Variants in SEMA3B observed in about 807,000 individuals in gnomAD.
SEMA3B encodes semaphorin-3B.
In SEMA3B, 71 loss-of-function variants were observed where a neutral mutation model predicts 77.8. The ratio of observed to expected loss-of-function variants is 0.91; its 90% CI spans 0.75 to 1.11. The LOEUF is 1.11. Among genes scored for constraint, SEMA3B ranks in the 50% most tolerant of loss-of-function variants. The pLI is 0.00. For missense variants in SEMA3B, 968 were observed against 1,056.8 expected, an observed-to-expected ratio of 0.92 and a Z score of 1.17; for synonymous variants, 470 against 452.9, an observed-to-expected ratio of 1.04 and a Z score of -0.48.
Position 50,269,222 on chromosome 3 carries a change from A to G in SEMA3B, c.-19A>G. ...CCACACACACACCCGCTGAACCCTG[A>G]GCACCCTGAGCTGCTGAGATGGGGC... On this transcript the variant is annotated 5_prime_UTR_variant, in exon 1 of 17. Coordinates refer to ENST00000616701, the MANE Select transcript of SEMA3B (RefSeq NM_001290060.2). The surrounding 1 kb of genome is among the most constrained non-coding windows in gnomAD (Gnocchi z 4.0). 6.6e-7 allele frequency: 1 copy of G among 1,521,566 alleles called. No homozygotes were observed. The highest frequency in any genetic ancestry group is 8.8e-7 in the Non-Finnish European group (1 of 1,133,500). 94.3% of individuals were successfully genotyped at this position (1,521,566 alleles called of 1,614,324 possible).
the SEMA3B span, chr3:50,260,765 TG>T: frequency 2.0e-5 from 3 of 152,430 alleles, no homozygotes; most frequent in Non-Finnish European, 2.9e-5. Flanking sequence ...CCTCCCTCCC[TG>T]GGTGGGCCAT....
rs1553705135 is a variant in SEMA3B, at chr3:50,270,308, C to T, written c.267+24C>T. ...AGGTGCCAGGGACTCCCAACCCCAG[C>T]ACTCCCCAGGGAAGGAGCCCTGGGA... On this transcript the variant is annotated intron_variant, in intron 2 of 16. Coordinates refer to ENST00000616701, the MANE Select transcript of SEMA3B (RefSeq NM_001290060.2). The surrounding 1 kb of genome is among the most constrained non-coding windows in gnomAD (Gnocchi z 4.7). The T allele has an allele frequency of 3.2e-5, 51 of 1,612,068 alleles. No individual in the cohort carries two copies. The highest frequency in any genetic ancestry group is 4.2e-5 in the Non-Finnish European group (49 of 1,178,794).
chr3:50,266,178 CT>C (rs1553704481), upstream of SEMA3B, among the ~76,000 whole-genome samples: 2 of 152,164 alleles, frequency 1.3e-5, no homozygotes, highest in Non-Finnish European at 2.9e-5. Flanking sequence ...CTCTGAGGCA[CT>C]TGCTGATCCT....
upstream of SEMA3B, among the ~76,000 whole-genome samples, chr3:50,265,620 A>T (rs1260275085): frequency 2.0e-5 from 3 of 152,224 alleles, no homozygotes; most frequent in Non-Finnish European, 4.4e-5. Flanking sequence ...CAAAAGAGAG[A>T]GGTCCAGGGT....
At position 50,276,882 on chromosome 3, in the gene SEMA3B, A is replaced by G. The variant is rs1325949249; in HGVS notation, c.*176A>G. 2 of 733,822 alleles carry G rather than the reference A, an allele frequency of 2.7e-6. No homozygotes were observed. The highest frequency in any genetic ancestry group is 6.5e-5 in the East Asian group (2 of 30,550). 45.5% of individuals were successfully genotyped at this position (733,822 alleles called of 1,614,324 possible). ...CTGCGCGGGCTTATTTATTAACAGG[A>G]TAACCCTTGAATGTAGCAGCCCCGG... On this transcript the variant is annotated 3_prime_UTR_variant, in exon 17 of 17. Coordinates refer to ENST00000616701, the MANE Select transcript of SEMA3B (RefSeq NM_001290060.2). The surrounding 1 kb of genome is among the most constrained non-coding windows in gnomAD (Gnocchi z 5.8).
At position 50,271,171 on chromosome 3, in the gene SEMA3B, C is replaced by A; in HGVS notation, c.534C>A (p.Ser178=). ...SPYDPRHRAA[S]VLVGEELYSG... ...ATGACCCCAGGCATCGGGCTGCCTCCGTGCTGGTGGGTGAGTCCAAGGGCT... is the reference window on the plus strand; with the variant it reads ...ATGACCCCAGGCATCGGGCTGCCTCAGTGCTGGTGGGTGAGTCCAAGGGCT... The change falls in exon 5 of 17, where the codon TCC becomes TCA. Residue 178 remains serine (S), a synonymous_variant. Coordinates refer to ENST00000616701, the MANE Select transcript of SEMA3B (RefSeq NM_001290060.2). The A allele has an allele frequency of 6.4e-7, 1 of 1,573,116 alleles. No individual in the cohort carries two copies. Among genetic ancestry groups the A allele is most frequent in the Non-Finnish European group, 8.6e-7 (1 of 1,159,432 alleles).
upstream of SEMA3B, among the ~76,000 whole-genome samples, chr3:50,265,432 AGGCAGG>A (rs1374416899): frequency 1.7e-3 from 258 of 152,234 alleles, 1 homozygote; most frequent in African/African-American, 5.8e-3. Flanking sequence ...CCCGGAGTCC[AGGCAGG>A]GGCAAAGGGG....
In SEMA3B at chr3:50,275,736, G is replaced by A; in HGVS notation, c.1737G>A (p.Lys579=). The change falls in exon 16 of 17, where the codon AAG becomes AAA. Residue 579 remains lysine (K), a synonymous_variant. Coordinates refer to ENST00000616701, the MANE Select transcript of SEMA3B (RefSeq NM_001290060.2). The surrounding 1 kb of genome is among the most constrained non-coding windows in gnomAD (Gnocchi z 7.5). ...DSSRPALLEH[K]VFGVEGSSAF... ...CTCGTCCCGCGCTGCTGGAACACAA[G>A]GTGTTCGGCGTGGAGGGCAGCAGCG... The A allele has an allele frequency of 6.2e-7, 1 of 1,613,370 alleles. No homozygotes were observed. Among genetic ancestry groups the A allele is most frequent in the Non-Finnish European group, 8.5e-7 (1 of 1,179,788 alleles).
At position 50,270,682 on chromosome 3, in the gene SEMA3B, A is replaced by T; in HGVS notation, c.330+187A>T. 8.7e-7 allele frequency: 1 copy of T among 1,151,148 alleles called. No individual in the cohort carries two copies. Among genetic ancestry groups the T allele is most frequent in the Non-Finnish European group, 1.2e-6 (1 of 826,024 alleles). 71.3% of individuals were successfully genotyped at this position (1,151,148 alleles called of 1,614,324 possible). A position where few individuals can be genotyped will look rare whatever the true frequency, so the allele number is the denominator to read the frequency against. On this transcript the variant is annotated intron_variant, in intron 3 of 16. Coordinates refer to ENST00000616701, the MANE Select transcript of SEMA3B (RefSeq NM_001290060.2). This position sits in a 1 kb window ranked among gnomAD's most constrained non-coding sequence, Gnocchi z 4.7. ...AATTCTTCTGGGGTGCCTCTGAGTC[A>T]TGGGAGGCTTTGCAGGCCTGTGCTT... is the stretch of plus-strand genomic sequence containing the variant.
chr3:50,270,569 A>G lies in SEMA3B; in HGVS notation c.330+74A>G. On this transcript the variant is annotated intron_variant, in intron 3 of 16. Coordinates refer to ENST00000616701, the MANE Select transcript of SEMA3B (RefSeq NM_001290060.2). This position sits in a 1 kb window ranked among gnomAD's most constrained non-coding sequence, Gnocchi z 4.7. ...CCCAGAGACAGGGCAGGGCTAAAAC[A>G]GAGGCCTGCCTGTTCTGGCTGGGAT... 1.3e-6 allele frequency: 2 copies of G among 1,588,758 alleles called. No homozygotes were observed. The highest frequency in any genetic ancestry group is 1.7e-6 in the Non-Finnish European group (2 of 1,161,864).
At position 50,275,786 on chromosome 3, in the gene SEMA3B, C is replaced by G; in HGVS notation, c.1787C>G (p.Ser596Trp). The G allele has an allele frequency of 6.2e-7, 1 of 1,612,320 alleles. No homozygotes were observed. The highest frequency in any genetic ancestry group is 8.5e-7 in the Non-Finnish European group (1 of 1,179,782). ...SSAFLECEPR[S>W]LQARVEWTFQ... ...GCCTTTCTGGAGTGTGAGCCCCGCT[C>G]GCTGCAGGCGCGCGTGGAGTGGACT... Residue 596 changes from serine to tryptophan, a missense_variant, in exon 16 of 17, where the codon TCG (serine) becomes TGG (tryptophan). Ser to Trp is a radical substitution (Grantham distance 177). Transcript: ENST00000616701. The surrounding 1 kb of genome is among the most constrained non-coding windows in gnomAD (Gnocchi z 7.5).
At position 50,276,917 on chromosome 3, in the gene SEMA3B, ACAGGTCGGGCG is replaced by A. The variant is rs1256152659; in HGVS notation, c.*216_*226del. 1 of 552,782 alleles carries A rather than the reference ACAGGTCGGGCG, an allele frequency of 1.8e-6. No homozygotes were observed. The highest frequency in any genetic ancestry group is 4.1e-5 in the Admixed American group (1 of 24,218). The allele number at this position is 552,782 out of a possible 1,614,324, so 34.2% of individuals were successfully genotyped here. On this transcript the variant is annotated 3_prime_UTR_variant, in exon 17 of 17. Coordinates refer to ENST00000616701, the MANE Select transcript of SEMA3B (RefSeq NM_001290060.2). The surrounding 1 kb of genome is among the most constrained non-coding windows in gnomAD (Gnocchi z 5.8). ...AATGTAGCAGCCCCGGGAGGGCGGC[ACAGGTCGGGCG>A]CAGGATTCAGCCGGAGGGAAGGGAC...
chr3:50,270,917 C>T lies in SEMA3B; in HGVS notation c.358C>T (p.Leu120=), dbSNP rs1553705231. The T allele has an allele frequency of 6.2e-7, 1 of 1,610,502 alleles. No individual in the cohort carries two copies. The highest frequency in any genetic ancestry group is 8.5e-7 in the Non-Finnish European group (1 of 1,178,404). The change falls in exon 4 of 17, where the codon CTG becomes TTG. Residue 120 remains leucine (L), a synonymous_variant. Transcript: ENST00000616701. This position sits in a 1 kb window ranked among gnomAD's most constrained non-coding sequence, Gnocchi z 4.7. ...GTECMNFVKL[L]HAYNRTHLLA... ...TGAGTGCATGAACTTCGTGAAGTTG[C>T]TGCATGCCTACAACCGCACCCATTT...
Position 50,272,710 on chromosome 3 carries a change from C to CA in SEMA3B, c.665-572dup, listed in dbSNP as rs34975459. ...TGGGCAATAGAGCGAGACTTCGTCT[C>CA]AAAAAAAAAAAAAAAAGCCAGGTGT... On this transcript the variant is annotated intron_variant, in intron 6 of 16. Transcript: ENST00000616701. Among the ~76,000 whole-genome samples, 627 of 71,652 alleles carry CA rather than the reference C, an allele frequency of 8.8e-3. 2 individuals carry two copies. Among genetic ancestry groups the CA allele is most frequent in the South Asian group, 0.029 (60 of 2,082 alleles). The allele number at this position is 71,652 out of a possible 152,430, so 47.0% of individuals were successfully genotyped here.
At chr3:50,267,536 C>T (rs782110933), upstream of SEMA3B, 1 of 152,474 alleles carries the variant, frequency 6.6e-6, no homozygotes, top group South Asian at 2.1e-4. This position sits in a 1 kb window ranked among gnomAD's most constrained non-coding sequence, Gnocchi z 5.7. Context: ...GGCTGCCTGC[C>T]CGGTCACCCG....
Position 50,273,810 on chromosome 3 carries a change from C to A in SEMA3B, c.974C>A (p.Ala325Asp), listed in dbSNP as rs782035416. ...GACCACCGGACCCCGCTGCTCTATGCCGTCTTCTCCACGTCCAGGTGAGGG... is the reference window on the plus strand; with the variant it reads ...GACCACCGGACCCCGCTGCTCTATGACGTCTTCTCCACGTCCAGGTGAGGG... ...SRDHRTPLLYAVFSTSSSIFQ... is the reference protein window; with the variant it reads ...SRDHRTPLLYDVFSTSSSIFQ... The change falls in exon 9 of 17, where the codon GCC (alanine) becomes GAC (aspartate). Residue 325 changes from alanine to aspartate, a missense_variant. Ala to Asp is a moderately radical substitution (Grantham distance 126). Transcript: ENST00000616701. The surrounding 1 kb of genome is among the most constrained non-coding windows in gnomAD (Gnocchi z 6.5). 2.1e-5 allele frequency: 33 copies of A among 1,582,208 alleles called. No individual in the cohort carries two copies. The highest frequency in any genetic ancestry group is 2.7e-5 in the Non-Finnish European group (31 of 1,165,298).
At chr3:50,269,061 G>A, upstream of SEMA3B, 1 of 593,932 alleles carries the variant, frequency 1.7e-6, no homozygotes, top group Non-Finnish European at 3.0e-6. This position sits in a 1 kb window ranked among gnomAD's most constrained non-coding sequence, Gnocchi z 4.0. Context: ...GAAGTGGAAT[G>A]CGACCCCCCA....
the SEMA3B span, chr3:50,260,241 T>C: frequency 6.6e-5 from 10 of 151,452 alleles, no homozygotes; most frequent in African/African-American, 2.4e-4. Flanking sequence ...AAGGCAGCTT[T>C]GTGAGGCGGC....
upstream of SEMA3B, among the ~76,000 whole-genome samples, chr3:50,264,175 A>G (rs587771444): frequency 5.9e-5 from 9 of 151,994 alleles, 1 homozygote; most frequent in African/African-American, 2.2e-4. Context: ...CCACCACTGC[A>G]CTCCACCCTG....
Sources: gnomAD v4.1 joint callset for allele counts (sites outside exome capture counted in the v4.1 genomes callset) on GRCh38, gnomAD v4.1.1 for gene constraint, Gnocchi (gnomAD v3.1) non-coding constraint, MANE v1.5 for transcripts, NCBI Gene and HGNC (gene_info 2026-07-23, HGNC 2026-07-21) for gene names.